The following LTO1 variants were observed in gnomAD, a reference collection of about 807,000 sequenced individuals.
LTO1 encodes LTO1 maturation factor of ABCE1, also known as protein LTO1 homolog.
LTO1 carries 18 observed loss-of-function variants against 19.8 expected under a neutral mutation model. That is an observed-to-expected ratio of 0.91 (90% CI 0.63 to 1.35). The LOEUF is 1.35. LTO1 is among the 40% of genes most tolerant of loss of function. LTO1 has a pLI of 0.00. For synonymous variants in LTO1, 59 were observed against 59.6 expected (o/e 0.99, Z 0.05); for missense variants, 175 against 167.9 (o/e 1.04, Z -0.23).
rs1856176578 is a variant in LTO1 at position 69,675,340 on chromosome 11, C to T, written c.-101G>A. ...CACAAATGCTCCGCTTGGGAGGAGACGAGACCCACTTCCGGAAGCGGCGGC... is the reference window on the plus strand; with the variant it reads ...CACAAATGCTCCGCTTGGGAGGAGATGAGACCCACTTCCGGAAGCGGCGGC... On this transcript the variant is annotated 5_prime_UTR_variant, in exon 1 of 5. Coordinates refer to ENST00000279147, the MANE Select transcript of LTO1 (RefSeq NM_153451.3). 1.0e-6 allele frequency: 1 copy of T among 984,938 alleles called. No individual in the cohort carries two copies. The allele number at this position is 984,938 out of a possible 1,614,324, so 61.0% of individuals were successfully genotyped here.
intron 3 of LTO1, 199 bp from the exon 4 acceptor site, chr11:69,668,211 C>G: frequency 1.9e-6 from 1 of 524,646 alleles, no homozygotes; most frequent in Non-Finnish European, 3.4e-6. Context: ...CCCAGTGCCT[C>G]GACAGCAAGT....
chr11:69,672,785 T>C (rs1856125249), intron 2 of LTO1: 4 of 314,990 alleles, frequency 1.3e-5, no homozygotes, highest in South Asian at 8.5e-5. Flanking sequence ...TTAACTCCCA[T>C]GCAAAGGCAC....
Position 69,667,973 on chromosome 11 carries a change from G to C in LTO1, c.267C>G (p.Ile89Met). 1 of 1,588,078 alleles carries C rather than the reference G, an allele frequency of 6.3e-7. No individual in the cohort carries two copies. Among genetic ancestry groups the C allele is most frequent in the East Asian group, 2.2e-5 (1 of 44,758 alleles). ...MKVLESLIGM[I>M]QKFPYDDPTY... Reference sequence around the variant, plus strand: ...TAGGGTCATCATAAGGGAATTTCTGGATCATTCCAATCAATGATTCTAAGA... The same window carrying C: ...TAGGGTCATCATAAGGGAATTTCTGCATCATTCCAATCAATGATTCTAAGA... The change falls in exon 4 of 5, where the codon ATC becomes ATG. Residue 89 changes from isoleucine to methionine, a missense_variant. Transcript: ENST00000279147.
intron 3 of LTO1, 148 bp from the exon 4 acceptor site, chr11:69,668,160 G>T (rs1283409905): frequency 3.1e-6 from 2 of 642,808 alleles, no homozygotes; most frequent in Non-Finnish European, 5.6e-6. Context: ...CTCATTACAC[G>T]AAATCATATT....
At chr11:69,674,787 G>A (rs777363576) in intron 1 of LTO1, 17 of 469,512 alleles carry the variant, frequency 3.6e-5, no homozygotes, top group Non-Finnish European at 5.9e-5. Flanking sequence ...AAGGGGTGTG[G>A]TCGGGTACAT....
intron 2 of LTO1, 113 bp downstream of exon 2, chr11:69,673,103 G>A (rs760571049): frequency 1.8e-5 from 14 of 769,008 alleles, no homozygotes; most frequent in African/African-American, 5.1e-5. Flanking sequence ...GCGCCCATCC[G>A]GCACTGTGAT....
intron 1 of LTO1, 179 bp downstream of exon 1, chr11:69,675,011 A>G: frequency 1.4e-6 from 1 of 699,130 alleles, no homozygotes; most frequent in Non-Finnish European, 2.6e-6. Flanking sequence ...GCGGGCCAGG[A>G]GAAGAGGACC....
intron 3 of LTO1, 173 bp from the exon 4 acceptor site, chr11:69,668,185 C>T (rs917357467): frequency 3.0e-5 from 18 of 592,008 alleles, no homozygotes; most frequent in Non-Finnish European, 5.2e-5. Flanking sequence ...TACCTAGCAA[C>T]GAGCTTAGGC....
chr11:69,673,903 C>G (rs2119853008), intron 1 of LTO1, among the ~76,000 whole-genome samples: 1 of 152,228 alleles, frequency 6.6e-6, no homozygotes, highest in Admixed American at 6.5e-5. Flanking sequence ...GTCGCCCAGG[C>G]TGGAGTGCAG....
intron 3 of LTO1, among the ~76,000 whole-genome samples, chr11:69,669,651 C>T (rs557419455): frequency 1.1e-4 from 16 of 152,324 alleles, no homozygotes; most frequent in African/African-American, 3.6e-4. Flanking sequence ...CCCAGCCGGG[C>T]GCACCATCAG....
intron 2 of LTO1, chr11:69,672,054 G>C (rs952342407): frequency 2.0e-6 from 1 of 495,908 alleles, no homozygotes. Flanking sequence ...CCCTGTGCAG[G>C]TCCCTCGACA....
In LTO1 at chr11:69,670,010, A is replaced by G. The variant is rs1032978150; in HGVS notation, c.227+1739T>C. 2.7e-5 allele frequency among the ~76,000 whole-genome samples: 4 copies of G among 150,182 alleles called. 1 individual carries two copies. Among genetic ancestry groups the G allele is most frequent in the Admixed American group, 6.6e-5 (1 of 15,196 alleles). ...TCAGCCCTTCACCATTTAAAAAAAAACAAAAAACAAAAAAAAAAACCTGAC... is the reference window on the plus strand; with the variant it reads ...TCAGCCCTTCACCATTTAAAAAAAAGCAAAAAACAAAAAAAAAAACCTGAC... On this transcript the variant is annotated intron_variant, in intron 3 of 4. Transcript: ENST00000279147.
intron 1 of LTO1, 52 bp downstream of exon 1, chr11:69,675,138 C>G (rs775198595): frequency 6.4e-7 from 1 of 1,552,796 alleles, no homozygotes; most frequent in Non-Finnish European, 8.8e-7. Context: ...GCGGCGAAGC[C>G]GCTGGGAGAC....
intron 2 of LTO1, chr11:69,672,158 C>T (rs986647216): frequency 2.6e-5 from 8 of 306,082 alleles, no homozygotes; most frequent in African/African-American, 1.5e-4. Context: ...CTTGCCTCAC[C>T]AGCTCTCTTG....
chr11:69,674,082 T>C (rs978871367), intron 1 of LTO1, among the ~76,000 whole-genome samples: 2 of 152,058 alleles, frequency 1.3e-5, no homozygotes, highest in Non-Finnish European at 2.9e-5. Context: ...CTGGATCTCC[T>C]GACCTCGTGA....
In LTO1 at chr11:69,673,306, C is replaced by A. The variant is rs1439323155; in HGVS notation, c.66G>T (p.Gly22=). ...VMADERFHGE[G]YREGYEEGSS... The stretch of plus-strand genomic sequence containing the variant: ...TGCCTTCTTCATAGCCTTCCCGATA[C>A]CCTTCCCCATGAAACCTGTGAAGAA... Residue 22 remains glycine (G), a synonymous_variant, in exon 2 of 5, where the codon GGG becomes GGT. Coordinates refer to ENST00000279147, the MANE Select transcript of LTO1 (RefSeq NM_153451.3). The A allele has an allele frequency of 1.9e-6, 3 of 1,608,762 alleles. No homozygotes were observed. Among genetic ancestry groups the A allele is most frequent in the South Asian group, 1.1e-5 (1 of 90,966 alleles).
intron 1 of LTO1, among the ~76,000 whole-genome samples, chr11:69,673,689 CT>C (rs71046532): frequency 0.046 from 5,625 of 121,162 alleles, 244 homozygotes; most frequent in African/African-American, 0.15. Context: ...TTCTTTCTTC[CT>C]TTTTTTTTTT....
intron 2 of LTO1, chr11:69,672,027 A>G (rs1227599834): frequency 1.8e-6 from 1 of 549,732 alleles, no homozygotes; most frequent in Non-Finnish European, 3.3e-6. Context: ...CCCAGTCCTC[A>G]TCTCCTGGTA....
Position 69,667,424 on chromosome 11 carries a change from T to A in LTO1, c.*95A>T. On this transcript the variant is annotated 3_prime_UTR_variant, in exon 5 of 5. Transcript: ENST00000279147. The stretch of plus-strand genomic sequence containing the variant: ...AACCCTCACCCTCCCAATGAACAAC[T>A]GCCTTCCCAGCACCGTCTGGCCCTT... The A allele has an allele frequency of 1.2e-6, 1 of 844,654 alleles. No individual in the cohort carries two copies. Among genetic ancestry groups the A allele is most frequent in the Admixed American group, 2.0e-5 (1 of 51,218 alleles). The allele number at this position is 844,654 out of a possible 1,614,324, so 52.3% of individuals were successfully genotyped here. A position where few individuals can be genotyped will look rare whatever the true frequency, so the allele number is the denominator to read the frequency against.
Sources: allele counts gnomAD v4.1 joint callset (sites outside exome capture counted in the v4.1 genomes callset), GRCh38; gene constraint gnomAD v4.1.1; transcripts MANE v1.5; gene names NCBI Gene and HGNC (gene_info 2026-07-23, HGNC 2026-07-21).